Variants in CROT observed in about 807,000 individuals in gnomAD.
CROT encodes carnitine O-octanoyltransferase, also known as peroxisomal carnitine O-octanoyltransferase.
Under a neutral mutation model 89.2 loss-of-function variants are expected in CROT, and 84 were observed. The ratio of observed to expected loss-of-function variants is 0.94; its 90% CI spans 0.79 to 1.13. The LOEUF (loss-of-function observed/expected upper bound fraction) is 1.13, where lower values mean the gene tolerates loss of function less well. CROT is among the 50% of genes most tolerant of loss of function. CROT has a pLI of 0.00. For synonymous variants in CROT, 212 were observed against 239.5 expected (o/e 0.89, Z 1.06); for missense variants, 711 against 727.8 (o/e 0.98, Z 0.27).
chr7:87,387,179 T>A (rs1807209131), intron 13 of CROT, among the ~76,000 whole-genome samples: 1 of 152,016 alleles, frequency 6.6e-6, no homozygotes, highest in Non-Finnish European at 1.5e-5. Context: ...ACTAGATAGT[T>A]GTTTTGGTTT....
At chr7:87,378,170 C>A (rs1806869209) in intron 10 of CROT, among the ~76,000 whole-genome samples, 1 of 151,710 alleles carries the variant, frequency 6.6e-6, no homozygotes. Context: ...GGCATGAAAC[C>A]CCGTCTCTAC....
intron 9 of CROT, among the ~76,000 whole-genome samples, chr7:87,376,268 A>G (rs1806808984): frequency 6.6e-6 from 1 of 152,038 alleles, no homozygotes; most frequent in African/African-American, 2.4e-5. Flanking sequence ...GCACTAGGTT[A>G]ATGAGCTTTT....
chr7:87,368,437 G>T (rs556050623), intron 6 of CROT, among the ~76,000 whole-genome samples: 252 of 152,216 alleles, frequency 1.7e-3, no homozygotes, highest in Middle Eastern at 3.4e-3. Flanking sequence ...TGAAGGGGAA[G>T]AAAGAAGAAA....
rs1294294282 is a variant in CROT at position 87,381,911 on chromosome 7, A to G, written c.980A>G (p.His327Arg). ...SNGVFGCNCD[H>R]APFDAMIMVN... The stretch of plus-strand genomic sequence containing the variant: ...AAATCTTGTGTGTTCTCATTTTAGC[A>G]TGCTCCTTTTGATGCAATGATTATG... The change falls in exon 11 of 18, where the codon CAT (histidine) becomes CGT (arginine). Residue 327 changes from histidine (H) to arginine (R), a missense_variant and splice_region_variant. By Grantham distance (29) the His-to-Arg change is conservative. Transcript: ENST00000331536. 4.4e-6 allele frequency: 7 copies of G among 1,599,590 alleles called. No homozygotes were observed. The highest frequency in any genetic ancestry group is 1.7e-5 in the Admixed American group (1 of 58,026).
chr7:87,384,947 T>G (rs1756724037), intron 13 of CROT, among the ~76,000 whole-genome samples: 1 of 152,198 alleles, frequency 6.6e-6, no homozygotes, highest in South Asian at 2.1e-4. Context: ...CCAGTTTTCA[T>G]GGAGCCATTT....
chr7:87,375,620 A>G lies in CROT; in HGVS notation c.657-12A>G. The G allele has an allele frequency of 6.3e-7, 1 of 1,598,970 alleles. No individual in the cohort carries two copies. Among genetic ancestry groups the G allele is most frequent in the African/African-American group, 1.3e-5 (1 of 74,670 alleles). On this transcript the variant is annotated splice_polypyrimidine_tract_variant and intron_variant, in intron 7 of 17. Coordinates refer to ENST00000331536, the MANE Select transcript of CROT (RefSeq NM_021151.4). Reference sequence around the variant, plus strand: ...TGTACTCTTTTTTAATCTTCTTTTCATCTTCCATAAGACAACTGACATATA... The same window carrying G: ...TGTACTCTTTTTTAATCTTCTTTTCGTCTTCCATAAGACAACTGACATATA...
chr7:87,393,013 T>C lies in CROT; in HGVS notation c.1664T>C (p.Val555Ala), dbSNP rs567744247. 3.1e-6 allele frequency: 5 copies of C among 1,613,506 alleles called. No individual in the cohort carries two copies. The African/African-American group carries it at 6.7e-5, about 22-fold the overall frequency. Residue 555 changes from valine (V) to alanine (A), a missense_variant, in exon 17 of 18, where the codon GTA (valine) becomes GCA (alanine). By Grantham distance (64) the Val-to-Ala change is moderately conservative. Coordinates refer to ENST00000331536, the MANE Select transcript of CROT (RefSeq NM_021151.4). ...GGCTATTTACGAGTCCAGGGAGTGG[T>C]AGTTCCCATGGTACACAATGGTTAT... ...LVGYLRVQGVVVPMVHNGYGF... is the reference protein window; with the variant it reads ...LVGYLRVQGVAVPMVHNGYGF...
chr7:87,362,291 G>T (rs1434164992), intron 6 of CROT, among the ~76,000 whole-genome samples: 1 of 150,014 alleles, frequency 6.7e-6, no homozygotes. Context: ...GTAAAAGCCT[G>T]GAGTCACTCT....
chr7:87,384,258 C>T (rs557957134), intron 13 of CROT, among the ~76,000 whole-genome samples: 88 of 152,094 alleles, frequency 5.8e-4, no homozygotes, highest in South Asian at 3.9e-3. Context: ...TGTCACTGGG[C>T]GCATGGCTCA....
intron 13 of CROT, among the ~76,000 whole-genome samples, chr7:87,384,832 T>G (rs1807138966): frequency 6.6e-6 from 1 of 152,230 alleles, no homozygotes; most frequent in South Asian, 2.1e-4. Flanking sequence ...CTTTTAGTAG[T>G]TTTATAGTTT....
intron 7 of CROT, 39 bp downstream of exon 7, chr7:87,369,523 G>C (rs773289276): frequency 2.9e-6 from 4 of 1,377,922 alleles, no homozygotes; most frequent in Non-Finnish European, 4.1e-6. Flanking sequence ...TAGGTCTTAT[G>C]GTGTTGCTTG....
At chr7:87,374,857 A>G (rs1806755830) in intron 7 of CROT, among the ~76,000 whole-genome samples, 1 of 151,878 alleles carries the variant, frequency 6.6e-6, no homozygotes, top group Non-Finnish European at 1.5e-5. Context: ...ATTAAGCTAC[A>G]TTAGCTCACT....
At chr7:87,376,403 A>G (rs1490187449) in intron 9 of CROT, among the ~76,000 whole-genome samples, 3 of 152,086 alleles carry the variant, frequency 2.0e-5, no homozygotes, top group Admixed American at 6.6e-5. Context: ...CATTTGGTTA[A>G]TTGCTGAACA....
At chr7:87,369,308 G>A in intron 6 of CROT, 68 bp from the exon 7 acceptor site, 1 of 971,610 alleles carries the variant, frequency 1.0e-6, no homozygotes, top group Non-Finnish European at 1.6e-6. Flanking sequence ...TTCTTCTATT[G>A]GATATATGCA....
rs1029165273 is a variant in CROT, at chr7:87,361,806, G to A, written c.501G>A (p.Lys167=). 4.4e-6 allele frequency: 7 copies of A among 1,609,060 alleles called. No homozygotes were observed. The African/African-American group carries it at 9.4e-5, about 22-fold the overall frequency. Residue 167 remains lysine, a synonymous_variant, in exon 6 of 18, where the codon AAG becomes AAA. Coordinates refer to ENST00000331536, the MANE Select transcript of CROT (RefSeq NM_021151.4). ...TCCGAATGCTATTTTCTACCTGCAA[G>A]GTTCCAGGAATTACTAGAGACTCCA... ...NQFRMLFSTC[K]VPGITRDSIM...
chr7:87,398,468 A>T, intron 17 of CROT, 56 bp from the exon 18 acceptor site: 1 of 1,600,876 alleles, frequency 6.2e-7, no homozygotes, highest in Non-Finnish European at 8.5e-7. Flanking sequence ...GGTTGTATTC[A>T]CCATCACTAT....
chr7:87,392,686 G>T, intron 15 of CROT, 42 bp downstream of exon 15: 2 of 1,610,256 alleles, frequency 1.2e-6, no homozygotes, highest in Non-Finnish European at 1.7e-6. Context: ...ATCTCTCATG[G>T]TGAAAAATTT....
At chr7:87,390,909 T>G (rs180677878) in intron 13 of CROT, among the ~76,000 whole-genome samples, 1 of 152,356 alleles carries the variant, frequency 6.6e-6, no homozygotes, top group East Asian at 1.9e-4. Context: ...TCAGTAATTT[T>G]ATATCACAAT....
chr7:87,369,300 C>T lies in CROT; in HGVS notation c.548-76C>T, dbSNP rs1290156284. Reference sequence around the variant, plus strand: ...AAATACTGGAAGAATGCCTACTTTTCTTCTATTGGATATATGCATCTTTAC... The same window carrying T: ...AAATACTGGAAGAATGCCTACTTTTTTTCTATTGGATATATGCATCTTTAC... On this transcript the variant is annotated intron_variant, in intron 6 of 17. Transcript: ENST00000331536. The T allele has an allele frequency of 4.6e-6, 4 of 875,622 alleles. No homozygotes were observed. The Admixed American group carries it at 9.6e-5, about 21-fold the overall frequency. 54.2% of individuals were successfully genotyped at this position (875,622 alleles called of 1,614,324 possible). A position where few individuals can be genotyped will look rare whatever the true frequency, so the allele number is the denominator to read the frequency against.
Sources: allele counts gnomAD v4.1 joint callset (sites outside exome capture counted in the v4.1 genomes callset), GRCh38; gene constraint gnomAD v4.1.1; transcripts MANE v1.5; gene names NCBI Gene and HGNC (gene_info 2026-07-23, HGNC 2026-07-21).